The following ZNF574 variants were observed in gnomAD, a reference collection of about 807,000 sequenced individuals.
ZNF574 encodes the protein zinc finger protein 574.
Under a neutral mutation model 56.6 loss-of-function variants are expected in ZNF574, and 25 were observed. That is an observed-to-expected ratio of 0.44 (90% CI 0.32 to 0.62). The LOEUF is 0.62. Among genes scored for constraint, ZNF574 ranks in the 20% least tolerant of loss-of-function variants. The pLI, the probability that ZNF574 is intolerant of heterozygous loss-of-function variation, is 0.04. For synonymous variants in ZNF574, 543 were observed against 492.1 expected (o/e 1.10, Z -1.37); for missense variants, 1,065 against 1,218.9 (o/e 0.87, Z 1.88).
upstream of ZNF574, among the ~76,000 whole-genome samples, chr19:42,072,393 C>T (rs191141441): frequency 6.6e-6 from 1 of 151,746 alleles, no homozygotes; most frequent in African/African-American, 2.4e-5. Context: ...CACCACCACA[C>T]CCGGCTAACT....
intron 1 of ZNF574, among the ~76,000 whole-genome samples, chr19:42,077,668 G>A (rs2076465237): frequency 6.6e-6 from 1 of 152,152 alleles, no homozygotes; most frequent in Non-Finnish European, 1.5e-5. Flanking sequence ...ACAAAGAAGA[G>A]GTGATGAATG....
chr19:42,080,062 C>T lies in ZNF574; in HGVS notation c.1456C>T (p.Arg486Cys), dbSNP rs140109448. Residue 486 changes from arginine (R) to cysteine (C), a missense_variant, in exon 2 of 2, where the codon CGT (arginine) becomes TGT (cysteine). Physicochemically the swap from Arg to Cys is radical, Grantham distance 180. Coordinates refer to ENST00000359044, the MANE Select transcript of ZNF574 (RefSeq NM_022752.6). The surrounding 1 kb of genome is among the most constrained non-coding windows in gnomAD (Gnocchi z 8.5). The stretch of plus-strand genomic sequence containing the variant: ...GGCCTTGCAGCTGACCCGGCACCAA[C>T]GTTTTGTGCATCGGCTGGAGCGGCG... ...GKALQLTRHQ[R>C]FVHRLERRHK... 4.1e-5 allele frequency: 66 copies of T among 1,614,146 alleles called. No individual in the cohort carries two copies. Among genetic ancestry groups the T allele is most frequent in the South Asian group, 3.3e-5 (3 of 91,090 alleles).
At chr19:42,075,853 C>T (rs965272290), upstream of ZNF574, among the ~76,000 whole-genome samples, 2 of 152,166 alleles carry the variant, frequency 1.3e-5, no homozygotes, top group African/African-American at 4.8e-5. Flanking sequence ...GTCATCGCGC[C>T]GCCCTCCGCT....
chr19:42,080,750 TTGCCTCTCCAGCAGCCCTTGGAAGCAC>T lies in ZNF574; in HGVS notation c.2148_2174del (p.Ser717_Ala725del). On this transcript the variant is annotated inframe_deletion, in exon 2 of 2. Transcript: ENST00000359044. This position sits in a 1 kb window ranked among gnomAD's most constrained non-coding sequence, Gnocchi z 8.5. ...GCCCCACGGGCCACTCGTGCACCAG[TTGCCTCTCCAGCAGCCCTTGGAAGCAC>T]TGCTACAGCATCCCCTGCGGCCCCT... is the stretch of plus-strand genomic sequence containing the variant. 1.2e-6 allele frequency: 2 copies of T among 1,613,898 alleles called. No individual in the cohort carries two copies. The highest frequency in any genetic ancestry group is 1.7e-6 in the Non-Finnish European group (2 of 1,180,012).
upstream of ZNF574, chr19:42,075,208 G>C (rs2076447471): frequency 6.6e-6 from 1 of 152,288 alleles, no homozygotes; most frequent in Admixed American, 6.5e-5. Flanking sequence ...CAGTACTGGG[G>C]CAACTCCCTC....
intron 1 of ZNF574, 25 bp from the exon 2 acceptor site, chr19:42,078,562 T>C: frequency 6.3e-7 from 1 of 1,581,178 alleles, no homozygotes; most frequent in Non-Finnish European, 8.6e-7. Flanking sequence ...CCTAACTGGT[T>C]TGTCCCCACT....
At chr19:42,073,750 G>A (rs533618136), upstream of ZNF574, among the ~76,000 whole-genome samples, 1 of 144,954 alleles carries the variant, frequency 6.9e-6, no homozygotes, top group South Asian at 2.2e-4. Context: ...CTGGGAGGCA[G>A]AGGTTGCAGT....
Position 42,081,366 on chromosome 19 carries a change from A to G in ZNF574, c.*69A>G, listed in dbSNP as rs781130267. The G allele has an allele frequency of 2.0e-4, 308 of 1,578,812 alleles. No homozygotes were observed. The highest frequency in any genetic ancestry group is 2.5e-4 in the Non-Finnish European group (286 of 1,148,854). ...AAGGCCCTCCAGCATCCCCTTAAGC[A>G]TCTGTACATACTGTGTCCCTTCCTC... is the stretch of plus-strand genomic sequence containing the variant. On this transcript the variant is annotated 3_prime_UTR_variant, in exon 2 of 2. Transcript: ENST00000359044.
rs2076502091 is a variant in ZNF574, at chr19:42,081,459, T to A, written c.*162T>A. ...CTCTCGTGAGGGGGGTGCTCTGGGG[T>A]CCTTGACACACATAAAGGTGCCCCC... On this transcript the variant is annotated 3_prime_UTR_variant, in exon 2 of 2. Coordinates refer to ENST00000359044, the MANE Select transcript of ZNF574 (RefSeq NM_022752.6). 1.1e-6 allele frequency: 1 copy of A among 936,618 alleles called. No homozygotes were observed. Among genetic ancestry groups the A allele is most frequent in the Non-Finnish European group, 1.7e-6 (1 of 602,400 alleles). 58.0% of individuals were successfully genotyped at this position (936,618 alleles called of 1,614,324 possible). A position where few individuals can be genotyped will look rare whatever the true frequency, so the allele number is the denominator to read the frequency against.
At position 42,079,864 on chromosome 19, in the gene ZNF574, C is replaced by G; in HGVS notation, c.1258C>G (p.Leu420Val). 6.2e-7 allele frequency: 1 copy of G among 1,614,180 alleles called. No homozygotes were observed. Among genetic ancestry groups the G allele is most frequent in the Non-Finnish European group, 8.5e-7 (1 of 1,180,034 alleles). Residue 420 changes from leucine to valine, a missense_variant, in exon 2 of 2, where the codon CTG (leucine) becomes GTG (valine). Transcript: ENST00000359044. The surrounding 1 kb of genome is among the most constrained non-coding windows in gnomAD (Gnocchi z 4.3). ...RRTHGVGGVP[L>V]PTTPVPPEEP... ...TACTCATGGGGTAGGGGGTGTCCCT[C>G]TGCCCACAACACCAGTCCCACCAGA... is the stretch of plus-strand genomic sequence containing the variant.
intron 1 of ZNF574, among the ~76,000 whole-genome samples, chr19:42,077,703 G>C (rs1314141276): frequency 6.6e-6 from 1 of 152,178 alleles, no homozygotes; most frequent in Non-Finnish European, 1.5e-5. Context: ...ATACCCTGGA[G>C]ACAGGAGCTA....
At chr19:42,070,130 C>T (rs867406582) in intron 1 of ZNF574, among the ~76,000 whole-genome samples, 1 of 152,190 alleles carries the variant, frequency 6.6e-6, no homozygotes, top group South Asian at 2.1e-4. Context: ...CGCTGGCTGC[C>T]GCCACCGCTC....
upstream of ZNF574, among the ~76,000 whole-genome samples, chr19:42,073,535 A>C (rs1226883389): frequency 2.0e-5 from 3 of 151,716 alleles, no homozygotes; most frequent in East Asian, 1.9e-4. Flanking sequence ...AAAAAAAAAA[A>C]AAAACCCGGG....
At position 42,080,070 on chromosome 19, in the gene ZNF574, G is replaced by C. The variant is rs1391060253; in HGVS notation, c.1464G>C (p.Val488=). Reference sequence around the variant, plus strand: ...AGCTGACCCGGCACCAACGTTTTGTGCATCGGCTGGAGCGGCGCCATAAAT... The same window carrying C: ...AGCTGACCCGGCACCAACGTTTTGTCCATCGGCTGGAGCGGCGCCATAAAT... ...ALQLTRHQRF[V]HRLERRHKCS... is the part of the protein sequence containing the mutation. The change falls in exon 2 of 2, where the codon GTG becomes GTC. Residue 488 remains valine (V), a synonymous_variant. Coordinates refer to ENST00000359044, the MANE Select transcript of ZNF574 (RefSeq NM_022752.6). This position sits in a 1 kb window ranked among gnomAD's most constrained non-coding sequence, Gnocchi z 8.5. 6.2e-7 allele frequency: 1 copy of C among 1,614,156 alleles called. No individual in the cohort carries two copies. Among genetic ancestry groups the C allele is most frequent in the East Asian group, 2.2e-5 (1 of 44,876 alleles).
chr19:42,071,781 A>C (rs907431329), upstream of ZNF574, among the ~76,000 whole-genome samples: 1 of 152,254 alleles, frequency 6.6e-6, no homozygotes, highest in Middle Eastern at 3.4e-3. Flanking sequence ...GGGCAGGTGG[A>C]CCACCTGAGG....
rs745728338 is a variant in ZNF574 at position 42,079,500 on chromosome 19, T to G, written c.894T>G (p.Ser298Arg). The change falls in exon 2 of 2, where the codon AGT becomes AGG. Residue 298 changes from serine to arginine, a missense_variant. Ser to Arg is a moderately radical substitution (Grantham distance 110). Transcript: ENST00000359044. The surrounding 1 kb of genome is among the most constrained non-coding windows in gnomAD (Gnocchi z 4.3). ...GGCGCAGGGCCCGGAGGAACAACAG[T>G]GGAGAAGCAGGCGGGGCAGCCACAC... ...RRGRRARRNNSGEAGGAATQE... is the reference protein window; with the variant it reads ...RRGRRARRNNRGEAGGAATQE... 2 of 1,613,800 alleles carry G rather than the reference T, an allele frequency of 1.2e-6. No homozygotes were observed. Among genetic ancestry groups the G allele is most frequent in the Non-Finnish European group, 1.7e-6 (2 of 1,180,004 alleles).
At position 42,080,139 on chromosome 19, in the gene ZNF574, T is replaced by C. The variant is rs1325224744; in HGVS notation, c.1533T>C (p.Arg511=). 2 of 1,613,926 alleles carry C rather than the reference T, an allele frequency of 1.2e-6. No homozygotes were observed. Among genetic ancestry groups the C allele is most frequent in the Middle Eastern group, 1.6e-4 (1 of 6,084 alleles). The change falls in exon 2 of 2, where the codon CGT becomes CGC. Residue 511 remains arginine (R), a synonymous_variant. Transcript: ENST00000359044. This position sits in a 1 kb window ranked among gnomAD's most constrained non-coding sequence, Gnocchi z 8.5. ...TGTTCAAGAAGAAGTCTCACGTGCG[T>C]AACCACCTGCGCACACACACAGGGG... ...GKMFKKKSHV[R]NHLRTHTGER...
At position 42,081,514 on chromosome 19, in the gene ZNF574, C is replaced by G; in HGVS notation, c.*217C>G. The G allele has an allele frequency of 3.2e-6, 2 of 633,738 alleles. No homozygotes were observed. The highest frequency in any genetic ancestry group is 5.7e-6 in the Non-Finnish European group (2 of 353,182). 39.3% of individuals were successfully genotyped at this position (633,738 alleles called of 1,614,324 possible). On this transcript the variant is annotated 3_prime_UTR_variant, in exon 2 of 2. Coordinates refer to ENST00000359044, the MANE Select transcript of ZNF574 (RefSeq NM_022752.6). The stretch of plus-strand genomic sequence containing the variant: ...CTTCCACCTCTTAGCACTGGTGACC[C>G]CAAAAATGAAACCATCAATAAAGAC...
At position 42,080,168 on chromosome 19, in the gene ZNF574, G is replaced by A. The variant is rs1189563727; in HGVS notation, c.1562G>A (p.Arg521Gln). Reference protein sequence around the residue: ...RNHLRTHTGERPFPCPDCSKP... With the variant: ...RNHLRTHTGEQPFPCPDCSKP... Reference sequence around the variant, plus strand: ...CACCTGCGCACACACACAGGGGAGCGGCCCTTCCCCTGCCCTGACTGCTCC... The same window carrying A: ...CACCTGCGCACACACACAGGGGAGCAGCCCTTCCCCTGCCCTGACTGCTCC... Residue 521 changes from arginine (R) to glutamine (Q), a missense_variant, in exon 2 of 2, where the codon CGG (arginine) becomes CAG (glutamine). Physicochemically the swap from Arg to Gln is conservative, Grantham distance 43 (BLOSUM62 1). Transcript: ENST00000359044. This position sits in a 1 kb window ranked among gnomAD's most constrained non-coding sequence, Gnocchi z 8.5. The A allele has an allele frequency of 5.0e-6, 8 of 1,613,810 alleles. No homozygotes were observed. Among genetic ancestry groups the A allele is most frequent in the East Asian group, 2.2e-5 (1 of 44,864 alleles).
Sources: gnomAD v4.1 joint callset for allele counts (sites outside exome capture counted in the v4.1 genomes callset) on GRCh38, gnomAD v4.1.1 for gene constraint, Gnocchi (gnomAD v3.1) non-coding constraint, MANE v1.5 for transcripts, NCBI Gene and HGNC (gene_info 2026-07-23, HGNC 2026-07-21) for gene names.